AIM2: variants seen among roughly 807,000 people sequenced by gnomAD.
AIM2 encodes absent in melanoma 2.
In AIM2, 30 loss-of-function variants were observed where a neutral mutation model predicts 27.7. The ratio of observed to expected loss-of-function variants is 1.08; its 90% CI spans 0.81 to 1.47. The LOEUF (loss-of-function observed/expected upper bound fraction) is 1.47. Among genes scored for constraint, AIM2 ranks in the 40% most tolerant of loss-of-function variants. The probability of loss-of-function intolerance (pLI) is 0.00; values close to 1 mark genes in which losing one functional copy is unlikely to be tolerated. For missense variants in AIM2, 358 were observed against 411.3 expected, an observed-to-expected ratio of 0.87 and a Z score of 1.12; for synonymous variants, 141 against 145.3, an observed-to-expected ratio of 0.97 and a Z score of 0.21.
At chr1:159,073,100 G>T (rs556904150) in intron 2 of AIM2, 138 bp downstream of exon 2, 1 of 1,036,682 alleles carries the variant, frequency 9.6e-7, no homozygotes, top group Non-Finnish European at 1.4e-6. Flanking sequence ...GTAAAAGGGG[G>T]CAAAGAGACA....
chr1:159,130,842 ACG>A (rs138879294), intron 1 of AIM2, among the ~76,000 whole-genome samples: 5 of 137,164 alleles, frequency 3.6e-5, no homozygotes, highest in East Asian at 2.1e-4. Context: ...ACACACACAC[ACG>A]CACGCACTCT....
intron 1 of AIM2, among the ~76,000 whole-genome samples, chr1:159,094,183 G>A (rs938144095): frequency 1.3e-5 from 2 of 152,198 alleles, no homozygotes; most frequent in East Asian, 3.8e-4. Context: ...GGACAGACGG[G>A]AACTTCAGAA....
At chr1:159,113,933 T>C (rs1647257787) in intron 1 of AIM2, among the ~76,000 whole-genome samples, 2 of 152,206 alleles carry the variant, frequency 1.3e-5, no homozygotes, top group South Asian at 4.1e-4. Context: ...TGCTAATCCC[T>C]GGGAAAGAGA....
At chr1:159,117,786 C>T (rs951648681) in intron 1 of AIM2, among the ~76,000 whole-genome samples, 2 of 152,110 alleles carry the variant, frequency 1.3e-5, no homozygotes, top group African/African-American at 2.4e-5. Flanking sequence ...CACACACACA[C>T]ACCTTTCCCC....
intron 1 of AIM2, chr1:159,081,778 CTCTT>C (rs1394464398): frequency 7.9e-5 from 14 of 176,496 alleles, no homozygotes; most frequent in African/African-American, 2.6e-4. Flanking sequence ...GACACGTAAA[CTCTT>C]AAAATACTCC....
intron 4 of AIM2, 104 bp from the exon 5 acceptor site, chr1:159,063,778 TGATTCTTGAACAACACA>T: frequency 5.8e-6 from 7 of 1,215,292 alleles, no homozygotes; most frequent in Non-Finnish European, 8.1e-6. Context: ...AGAAATCAGT[TGATTCTTGAACAACACA>T]GATTTTACCT....
intron 1 of AIM2, among the ~76,000 whole-genome samples, chr1:159,134,763 C>G (rs1005216862): frequency 6.6e-6 from 1 of 152,024 alleles, no homozygotes; most frequent in African/African-American, 2.4e-5. Flanking sequence ...GCCCGAGAGG[C>G]GGAGGTTGCA....
Position 159,063,498 on chromosome 1 carries a change from A to G in AIM2, c.993T>C (p.His331=), listed in dbSNP as rs771434896. The G allele has an allele frequency of 3.3e-5, 54 of 1,613,412 alleles. 1 individual carries two copies. The South Asian group carries it at 5.9e-4, about 18-fold the overall frequency. ...GEKLQLTSGV[H]STIKVIKAKK... The stretch of plus-strand genomic sequence containing the variant: ...ATGCAGTTCCCACCTTTATGGTGCT[A>G]TGAACTCCAGATGTCAGCTGTAGTT... Residue 331 remains histidine (H), a synonymous_variant, in exon 5 of 6, where the codon CAT becomes CAC. Coordinates refer to ENST00000368130, the MANE Select transcript of AIM2 (RefSeq NM_004833.3).
chr1:159,075,594 T>C (rs1391864947), intron 1 of AIM2, among the ~76,000 whole-genome samples: 1 of 143,310 alleles, frequency 7.0e-6, no homozygotes, highest in African/African-American at 2.6e-5. Flanking sequence ...TGGCTATACC[T>C]GCTATATATA....
chr1:159,060,968 A>G (rs1436452990), downstream of AIM2, among the ~76,000 whole-genome samples: 1 of 152,162 alleles, frequency 6.6e-6, no homozygotes, highest in Non-Finnish European at 1.5e-5. Context: ...AAATTTCCAA[A>G]CTCTTTTCTA....
intron 1 of AIM2, among the ~76,000 whole-genome samples, chr1:159,103,008 G>C (rs899522158): frequency 2.6e-5 from 4 of 152,196 alleles, no homozygotes; most frequent in African/African-American, 4.8e-5. Flanking sequence ...GGAAGTTATA[G>C]TTTGCCTCTG....
rs527381888 is a variant in AIM2 at position 159,098,965 on chromosome 1, G to A, written c.-15-32636C>T. 1.1e-4 allele frequency among the ~76,000 whole-genome samples: 17 copies of A among 151,212 alleles called. No individual in the cohort carries two copies. In the South Asian group the frequency reaches 3.6e-3, roughly 32 times the overall value. On this transcript the variant is annotated intron_variant, in intron 1 of 2. Coordinates refer to the AIM2 transcript ENST00000368129. ...AAAGGTAGGACTCGGTTGAGTCTGA[G>A]AGTCTTAAAAACATAGTGGCACAAG...
At chr1:159,140,251 G>A (rs1648085676) in intron 1 of AIM2, among the ~76,000 whole-genome samples, 1 of 152,082 alleles carries the variant, frequency 6.6e-6, no homozygotes, top group Non-Finnish European at 1.5e-5. Flanking sequence ...CTTCCACCAA[G>A]GTAACCCAGA....
At chr1:159,055,759 A>C in the AIM2 span, among the ~76,000 whole-genome samples, 1 of 152,350 alleles carries the variant, frequency 6.6e-6, no homozygotes, top group South Asian at 2.1e-4. Context: ...AAATTTAGCT[A>C]AATTTATTGA....
chr1:159,105,306 T>C (rs996505687), intron 1 of AIM2, among the ~76,000 whole-genome samples: 1 of 152,212 alleles, frequency 6.6e-6, no homozygotes, highest in African/African-American at 2.4e-5. Flanking sequence ...AGCTTGCAGA[T>C]GCCAGAAACC....
chr1:159,088,971 G>A (rs946827174), intron 1 of AIM2, among the ~76,000 whole-genome samples: 1 of 152,174 alleles, frequency 6.6e-6, no homozygotes, highest in Non-Finnish European at 1.5e-5. Context: ...CAATGACTAA[G>A]AGCAGCTGTG....
At chr1:159,065,027 G>C (rs1656022171) in intron 4 of AIM2, among the ~76,000 whole-genome samples, 3 of 152,132 alleles carry the variant, frequency 2.0e-5, no homozygotes. Flanking sequence ...CCTATCCAAG[G>C]TCATTTTACA....
chr1:159,059,081 C>T (rs1655748000), downstream of AIM2, among the ~76,000 whole-genome samples: 1 of 152,142 alleles, frequency 6.6e-6, no homozygotes, highest in South Asian at 2.1e-4. Flanking sequence ...GCTATCTATG[C>T]CCAATAAGGA....
intron 1 of AIM2, among the ~76,000 whole-genome samples, chr1:159,075,773 A>G (rs1656583482): frequency 6.6e-6 from 1 of 152,230 alleles, no homozygotes; most frequent in African/African-American, 2.4e-5. Context: ...GATGTTTGAC[A>G]TTATTAGCAA....
Sources: gnomAD v4.1 joint callset for allele counts (sites outside exome capture counted in the v4.1 genomes callset) on GRCh38, gnomAD v4.1.1 for gene constraint, MANE v1.5 for transcripts, NCBI Gene and HGNC (gene_info 2026-07-23, HGNC 2026-07-21) for gene names.